The following SDHC variants were observed in gnomAD, a reference collection of about 807,000 sequenced individuals.
The protein encoded by SDHC is succinate dehydrogenase cytochrome b560 subunit, mitochondrial.
SDHC carries 11 observed loss-of-function variants against 22.6 expected under a neutral mutation model. That is an observed-to-expected ratio of 0.49 (90% confidence interval 0.31 to 0.81). The LOEUF is 0.81. Ranked by LOEUF, SDHC falls within the 30% of genes least tolerant of loss-of-function variation. SDHC has a pLI of 0.05. For synonymous variants in SDHC, 80 were observed against 77.8 expected, an observed-to-expected ratio of 1.03 and a Z score of -0.15; for missense variants, 160 against 212.0, an observed-to-expected ratio of 0.75 and a Z score of 1.52.
chr1:161,316,271 C>T (rs965799256), intron 1 of SDHC, among the ~76,000 whole-genome samples: 57 of 152,204 alleles, frequency 3.7e-4, no homozygotes, highest in Admixed American at 2.2e-3. Context: ...TCCCTTCCCA[C>T]GAGGCCATAT....
rs1396431013 is a variant in SDHC at position 161,362,532 on chromosome 1, T to C, written c.*99T>C. The C allele has an allele frequency of 3.7e-6, 6 of 1,608,822 alleles. No individual in the cohort carries two copies. Among genetic ancestry groups the C allele is most frequent in the South Asian group, 3.3e-5 (3 of 90,578 alleles). ...TCCAGCCTGGGAAAAGTTCTCCTTA[T>C]TTGTTTAGATCCTTTTGTATTTTCA... is the stretch of plus-strand genomic sequence containing the variant. On this transcript the variant is annotated 3_prime_UTR_variant, in exon 6 of 6. Transcript: ENST00000367975.
chr1:161,332,049 C>T (rs1211564712), intron 3 of SDHC, among the ~76,000 whole-genome samples: 1 of 152,008 alleles, frequency 6.6e-6, no homozygotes, highest in Non-Finnish European at 1.5e-5. Context: ...GTGATCATAG[C>T]TCGTTGTAAC....
At chr1:161,362,059 G>A (rs1004661892) in intron 5 of SDHC, among the ~76,000 whole-genome samples, 4 of 151,956 alleles carry the variant, frequency 2.6e-5, no homozygotes, top group South Asian at 2.1e-4. Context: ...TTTGTATACC[G>A]TATGGGGCCT....
At chr1:161,335,639 A>G (rs1384671725) in intron 3 of SDHC, among the ~76,000 whole-genome samples, 2 of 152,184 alleles carry the variant, frequency 1.3e-5, no homozygotes, top group Admixed American at 1.3e-4. Flanking sequence ...CCTGGCCAAT[A>G]GGAGTTCTTC....
intron 1 of SDHC, among the ~76,000 whole-genome samples, chr1:161,315,198 T>C (rs1670562533): frequency 6.6e-6 from 1 of 152,212 alleles, no homozygotes; most frequent in Admixed American, 6.5e-5. Context: ...CAGCATAGTT[T>C]TGTGCCAGCC....
intron 3 of SDHC, among the ~76,000 whole-genome samples, chr1:161,332,154 T>C (rs1671301276): frequency 6.6e-6 from 1 of 152,120 alleles, no homozygotes; most frequent in African/African-American, 2.4e-5. Context: ...GTTTTTAATT[T>C]TTTGTAAAGA....
intron 3 of SDHC, chr1:161,339,694 G>C (rs1451268891): frequency 1.6e-5 from 3 of 182,620 alleles, no homozygotes; most frequent in South Asian, 1.0e-4. Context: ...TTTTTTTGGA[G>C]ACAGAGTTTC....
chr1:161,358,032 CTTTTT>C (rs34253350), intron 5 of SDHC, among the ~76,000 whole-genome samples: 2 of 104,828 alleles, frequency 1.9e-5, no homozygotes, highest in Non-Finnish European at 1.9e-5. Flanking sequence ...GGTTAGGAAT[CTTTTT>C]TTTTTTTTTT....
chr1:161,314,677 C>T, intron 1 of SDHC: 2 of 584,902 alleles, frequency 3.4e-6, no homozygotes, highest in Non-Finnish European at 6.1e-6. Context: ...TCTGTTTTCC[C>T]CACCTCCTCT....
chr1:161,354,084 C>G (rs536529039), intron 4 of SDHC, among the ~76,000 whole-genome samples: 16 of 152,076 alleles, frequency 1.1e-4, no homozygotes, highest in African/African-American at 3.9e-4. Context: ...TTCCTGGGCC[C>G]GAGTAATCCT....
In SDHC at chr1:161,362,658, T is replaced by C. The variant is rs547789947; in HGVS notation, c.*225T>C. On this transcript the variant is annotated 3_prime_UTR_variant, in exon 6 of 6. Coordinates refer to ENST00000367975, the MANE Select transcript of SDHC (RefSeq NM_003001.5). Reference sequence around the variant, plus strand: ...GATGAGGTGGCTGCAAAAACTCCCCTTTTTTGCCCACAGCTTGCCTACTCT... The same window carrying C: ...GATGAGGTGGCTGCAAAAACTCCCCCTTTTTGCCCACAGCTTGCCTACTCT... 4.3e-6 allele frequency: 6 copies of C among 1,409,154 alleles called. No homozygotes were observed. Among genetic ancestry groups the C allele is most frequent in the Non-Finnish European group, 4.8e-6 (5 of 1,031,490 alleles). 87.3% of individuals were successfully genotyped at this position (1,409,154 alleles called of 1,614,324 possible). A position where few individuals can be genotyped will look rare whatever the true frequency, so the allele number is the denominator to read the frequency against.
intron 3 of SDHC, among the ~76,000 whole-genome samples, chr1:161,333,265 AC>A (rs1196439897): frequency 1.3e-5 from 2 of 152,070 alleles, no homozygotes; most frequent in Non-Finnish European, 2.9e-5. Context: ...AGCTGTTTCC[AC>A]TTTTTGGCTA....
At chr1:161,333,338 C>G (rs1260361513) in intron 3 of SDHC, among the ~76,000 whole-genome samples, 1 of 150,114 alleles carries the variant, frequency 6.7e-6, no homozygotes, top group Non-Finnish European at 1.5e-5. Flanking sequence ...ACATATGTTT[C>G]ATTTCTCTTG....
intron 3 of SDHC, among the ~76,000 whole-genome samples, chr1:161,329,047 A>G (rs1430162052): frequency 6.6e-6 from 1 of 152,016 alleles, no homozygotes; most frequent in Non-Finnish European, 1.5e-5. Context: ...AGCTGGGGCT[A>G]CAGGTGTGCA....
chr1:161,340,572 G>T (rs767228805), intron 3 of SDHC, 22 bp from the exon 4 acceptor site: 1 of 1,608,244 alleles, frequency 6.2e-7, no homozygotes, highest in East Asian at 2.2e-5. Flanking sequence ...TTTTAAAATT[G>T]TCTTTGTGTG....
Position 161,328,393 on chromosome 1 carries a change from T to C in SDHC, c.78-3T>C, listed in dbSNP as rs1671144528. The C allele has an allele frequency of 6.2e-7, 1 of 1,604,908 alleles. No homozygotes were observed. Among genetic ancestry groups the C allele is most frequent in the East Asian group, 2.2e-5 (1 of 44,840 alleles). On this transcript the variant is annotated splice_region_variant and splice_polypyrimidine_tract_variant and intron_variant, in intron 2 of 5. Transcript: ENST00000367975. ...ATTTTCAAACGGTCTGGTTTTATTT[T>C]AGTGCTGTTCCTTTGGGAACCACGG...
chr1:161,319,966 G>A (rs1670782663), intron 1 of SDHC, among the ~76,000 whole-genome samples: 1 of 152,178 alleles, frequency 6.6e-6, no homozygotes, highest in African/African-American at 2.4e-5. Flanking sequence ...CCCACAGTTT[G>A]GATCTTATAC....
chr1:161,334,335 T>A (rs186982892), intron 3 of SDHC, among the ~76,000 whole-genome samples: 1 of 152,098 alleles, frequency 6.6e-6, no homozygotes, highest in Non-Finnish European at 1.5e-5. Context: ...TTTTCTTTTT[T>A]CTCATTTCTC....
Position 161,340,654 on chromosome 1 carries a change from A to T in SDHC, c.240A>T (p.Ala80=). 6.2e-7 allele frequency: 1 copy of T among 1,613,040 alleles called. No individual in the cohort carries two copies. Residue 80 remains alanine (A), a splice_region_variant and synonymous_variant, in exon 4 of 6, where the codon GCA becomes GCT. Transcript: ENST00000367975. The part of the protein sequence containing the change: ...CHRGTGIALS[A]GVSLFGMSAL... The stretch of plus-strand genomic sequence containing the variant: ...GTGGCACTGGTATTGCTTTGAGTGC[A>T]GGTATGTATATGTGTTTTTACACAC...
Sources: allele counts gnomAD v4.1 joint callset (sites outside exome capture counted in the v4.1 genomes callset), GRCh38; gene constraint gnomAD v4.1.1; transcripts MANE v1.5; gene names NCBI Gene and HGNC (gene_info 2026-07-23, HGNC 2026-07-21).